Variants in MICAL3 observed in about 807,000 individuals in gnomAD.
The protein encoded by MICAL3 is [F-actin]-monooxygenase MICAL3.
MICAL3 carries 62 observed loss-of-function variants against 207.4 expected under a neutral mutation model. The observed-to-expected ratio is 0.30, with a 90% CI of 0.24 to 0.37. The LOEUF (loss-of-function observed/expected upper bound fraction) is 0.37. Among genes scored for constraint, MICAL3 ranks in the 10% least tolerant of loss-of-function variants. The probability of loss-of-function intolerance (pLI) is 1.00; values close to 1 mark genes in which losing one functional copy is unlikely to be tolerated. For missense variants in MICAL3, 2,368 were observed against 2,635.6 expected (o/e 0.90, Z 2.22); for synonymous variants, 1,077 against 1,069.3 (o/e 1.01, Z -0.14).
At chr22:18,015,642 C>T (rs924495226) in intron 1 of MICAL3, among the ~76,000 whole-genome samples, 5 of 152,034 alleles carry the variant, frequency 3.3e-5, no homozygotes, top group African/African-American at 1.2e-4. Context: ...GAACTCCTGA[C>T]CTCAGGTGAT....
At chr22:17,914,902 C>A (rs574443173) in intron 1 of MICAL3, among the ~76,000 whole-genome samples, 1 of 152,322 alleles carries the variant, frequency 6.6e-6, no homozygotes, top group South Asian at 2.1e-4. Context: ...TTCCAATCAC[C>A]TAATACTACT....
Position 17,868,319 on chromosome 22 carries a change from TA to T in MICAL3, c.2429-2308del, listed in dbSNP as rs386394929. ...CGATGGCACTTTTTGCTTTTTAAAT[TA>T]AAAAAAAAAAAAGCTAATTTTAATG... On this transcript the variant is annotated intron_variant, in intron 17 of 31. Transcript: ENST00000441493. 6.0e-3 allele frequency among the ~76,000 whole-genome samples: 849 copies of T among 141,966 alleles called. 2 individuals carry two copies. The highest frequency in any genetic ancestry group is 0.013 in the African/African-American group (486 of 38,838). The allele number at this position is 141,966 out of a possible 152,430, so 93.1% of individuals were successfully genotyped here.
intron 1 of MICAL3, among the ~76,000 whole-genome samples, chr22:17,937,906 C>G (rs1933615543): frequency 6.6e-6 from 1 of 152,138 alleles, no homozygotes; most frequent in South Asian, 2.1e-4. Flanking sequence ...CAAGAGTGCA[C>G]ATATTCTCTT....
At chr22:17,910,082 T>C (rs2146275199) in intron 1 of MICAL3, among the ~76,000 whole-genome samples, 1 of 152,324 alleles carries the variant, frequency 6.6e-6, no homozygotes, top group South Asian at 2.1e-4. Flanking sequence ...TGACTTTTCT[T>C]TGTTTCTAAA....
chr22:17,990,209 G>C (rs1207972854), intron 1 of MICAL3, among the ~76,000 whole-genome samples: 1 of 152,140 alleles, frequency 6.6e-6, no homozygotes, highest in Non-Finnish European at 1.5e-5. Flanking sequence ...TAGAGAGCGG[G>C]AGCAAGCGGG....
chr22:17,820,850 A>T (rs1921512170), intron 25 of MICAL3, among the ~76,000 whole-genome samples: 1 of 145,632 alleles, frequency 6.9e-6, no homozygotes, highest in East Asian at 1.9e-4. Context: ...TATAAAAAAT[A>T]AATTTGTTCT....
At chr22:17,992,940 C>T (rs565641351) in intron 1 of MICAL3, among the ~76,000 whole-genome samples, 19 of 152,260 alleles carry the variant, frequency 1.2e-4, no homozygotes, top group East Asian at 3.9e-4. Flanking sequence ...AGTCTGGCCA[C>T]GGTAAGGCGA....
At chr22:18,019,060 A>T (rs766170075) in intron 1 of MICAL3, among the ~76,000 whole-genome samples, 5 of 151,834 alleles carry the variant, frequency 3.3e-5, no homozygotes, top group Admixed American at 6.6e-5. Context: ...AGGCATGGTG[A>T]TGCATGCCTG....
At position 17,841,606 on chromosome 22, in the gene MICAL3, T is replaced by G; in HGVS notation, c.2801+216A>C. The G allele has an allele frequency of 1.7e-6, 1 of 593,848 alleles. No individual in the cohort carries two copies. Among genetic ancestry groups the G allele is most frequent in the South Asian group, 2.1e-5 (1 of 48,306 alleles). 36.8% of individuals were successfully genotyped at this position (593,848 alleles called of 1,614,324 possible). A position where few individuals can be genotyped will look rare whatever the true frequency, so the allele number is the denominator to read the frequency against. ...GGGGACATGTCAGGTCCTCAAGGAATAAATACTTCCTGAATCTCTGAATTG... is the reference window on the plus strand; with the variant it reads ...GGGGACATGTCAGGTCCTCAAGGAAGAAATACTTCCTGAATCTCTGAATTG... On this transcript the variant is annotated intron_variant, in intron 20 of 31. Transcript: ENST00000441493. This position sits in a 1 kb window ranked among gnomAD's most constrained non-coding sequence, Gnocchi z 4.2.
intron 1 of MICAL3, among the ~76,000 whole-genome samples, chr22:17,960,957 C>A (rs1337795797): frequency 1.3e-5 from 2 of 152,120 alleles, no homozygotes; most frequent in Non-Finnish European, 2.9e-5. Flanking sequence ...CCTGGTAGGC[C>A]ACCTGGCAGC....
At chr22:17,877,495 G>GGGAGATTATGGAGGTTAGGGAGGTTAT (rs2146197491) in intron 16 of MICAL3, among the ~76,000 whole-genome samples, 1 of 116,392 alleles carries the variant, frequency 8.6e-6, no homozygotes, top group East Asian at 2.3e-4. Context: ...ATGGAGGTTA[G>GGGAGATTATGGAGGTTAGGGAGGTTAT]GGAGGTTATG....
intron 16 of MICAL3, among the ~76,000 whole-genome samples, chr22:17,873,469 C>T (rs1355481245): frequency 6.6e-6 from 1 of 152,240 alleles, no homozygotes; most frequent in African/African-American, 2.4e-5. Context: ...CCCTTTCTCC[C>T]TGCTGATGTT....
intron 16 of MICAL3, chr22:17,881,128 T>C (rs924830707): frequency 8.4e-7 from 1 of 1,183,896 alleles, no homozygotes; most frequent in Non-Finnish European, 1.2e-6. Flanking sequence ...GGAAAGTGAC[T>C]TGGTCTCTAC....
chr22:17,896,122 T>C, intron 9 of MICAL3, 124 bp downstream of exon 9: 1 of 584,584 alleles, frequency 1.7e-6, no homozygotes, highest in Non-Finnish European at 3.1e-6. Flanking sequence ...CTTTTCCACA[T>C]GAAAACATCT....
intron 19 of MICAL3, among the ~76,000 whole-genome samples, chr22:17,856,995 C>T (rs982474684): frequency 1.1e-4 from 17 of 152,194 alleles, no homozygotes; most frequent in Non-Finnish European, 2.4e-4. Flanking sequence ...AATTTTATAG[C>T]TGGTCTCACT....
At chr22:17,891,452 T>G in intron 12 of MICAL3, 33 bp downstream of exon 12, 1 of 1,607,912 alleles carries the variant, frequency 6.2e-7, no homozygotes, top group South Asian at 1.1e-5. Context: ...CCTTGAGGAG[T>G]ATAAAAAAAC....
chr22:17,971,113 G>A (rs1056643566), intron 1 of MICAL3, among the ~76,000 whole-genome samples: 1 of 152,154 alleles, frequency 6.6e-6, no homozygotes, highest in South Asian at 2.1e-4. Flanking sequence ...AGAGGCGGAG[G>A]TCGCAGTGAG....
intron 1 of MICAL3, among the ~76,000 whole-genome samples, chr22:17,996,368 C>T (rs1281828491): frequency 1.3e-5 from 2 of 151,084 alleles, no homozygotes; most frequent in East Asian, 3.9e-4. Flanking sequence ...GGTGTGAACC[C>T]GGGAGGCGGA....
intron 1 of MICAL3, among the ~76,000 whole-genome samples, chr22:18,008,753 A>T (rs374648): frequency 0.032 from 4,903 of 152,100 alleles, 183 homozygotes; most frequent in African/African-American, 0.09. Context: ...TTCCAGACTG[A>T]TTTGCATGTT....
Sources: allele counts gnomAD v4.1 joint callset (sites outside exome capture counted in the v4.1 genomes callset), GRCh38; gene constraint gnomAD v4.1.1; non-coding constraint Gnocchi (gnomAD v3.1); transcripts MANE v1.5; gene names NCBI Gene and HGNC (gene_info 2026-07-23, HGNC 2026-07-21).